The following MDGA2 variants were observed in gnomAD, a reference collection of about 807,000 sequenced individuals.
MDGA2 encodes the protein MAM domain-containing glycosylphosphatidylinositol anchor protein 2.
MDGA2 carries 40 observed loss-of-function variants against 117.8 expected under a neutral mutation model. The observed-to-expected ratio is 0.34, with a 90% CI of 0.26 to 0.44. The LOEUF (loss-of-function observed/expected upper bound fraction) is 0.44, where lower values mean the gene tolerates loss of function less well. Ranked by LOEUF, MDGA2 falls within the 20% of genes least tolerant of loss-of-function variation. MDGA2 has a pLI of 1.00. For missense variants in MDGA2, 1,123 were observed against 1,250.6 expected (o/e 0.90, Z 1.54); for synonymous variants, 452 against 439.0 (o/e 1.03, Z -0.37).
At chr14:47,176,115 A>G (rs1465942859) in intron 3 of MDGA2, among the ~76,000 whole-genome samples, 1 of 152,112 alleles carries the variant, frequency 6.6e-6, no homozygotes, top group Non-Finnish European at 1.5e-5. Context: ...ACCTCTTCAA[A>G]GAGAACTACA....
chr14:47,306,853 G>GAA (rs1889466098), intron 1 of MDGA2, among the ~76,000 whole-genome samples: 1 of 151,830 alleles, frequency 6.6e-6, no homozygotes, highest in Non-Finnish European at 1.5e-5. Flanking sequence ...GAGAGAGAGA[G>GAA]AGAGAGAGAG....
chr14:47,540,540 G>GTGTGTGTGTA, intron 1 of MDGA2, among the ~76,000 whole-genome samples: 1 of 79,186 alleles, frequency 1.3e-5, no homozygotes, highest in Admixed American at 1.5e-4. Context: ...GTGTGTGTGT[G>GTGTGTGTGTA]TATATATATA....
chr14:46,879,606 A>G (rs1486222987), intron 11 of MDGA2, among the ~76,000 whole-genome samples: 1 of 152,148 alleles, frequency 6.6e-6, no homozygotes, highest in South Asian at 2.1e-4. Flanking sequence ...TTCAATAACC[A>G]CTACTAAGCT....
intron 8 of MDGA2, among the ~76,000 whole-genome samples, chr14:47,021,322 A>C (rs1391187034): frequency 6.6e-6 from 1 of 152,158 alleles, no homozygotes; most frequent in Non-Finnish European, 1.5e-5. Context: ...ACCACAAAAC[A>C]ACCAAAGGGA....
chr14:47,208,821 A>C (rs1204001971), intron 3 of MDGA2, among the ~76,000 whole-genome samples: 2 of 151,966 alleles, frequency 1.3e-5, no homozygotes, highest in South Asian at 2.1e-4. Flanking sequence ...TTTTAGATGA[A>C]AGAGAATCTT....
intron 1 of MDGA2, among the ~76,000 whole-genome samples, chr14:47,343,957 T>TCCC (rs1890706462): frequency 6.6e-6 from 1 of 152,202 alleles, no homozygotes; most frequent in African/African-American, 2.4e-5. Flanking sequence ...CACTGATTTA[T>TCCC]CCTGACTCTT....
chr14:47,288,161 T>G (rs1888753796), intron 2 of MDGA2, among the ~76,000 whole-genome samples: 1 of 152,202 alleles, frequency 6.6e-6, no homozygotes, highest in Non-Finnish European at 1.5e-5. Flanking sequence ...ACTTGCCCAA[T>G]TTTGGAATTT....
In MDGA2 at chr14:47,540,540, G is replaced by GTGTGTGTGTGTATATATATA; in HGVS notation, c.280+133976_280+133977insTATATATATACACACACACA. Among the ~76,000 whole-genome samples the GTGTGTGTGTGTATATATATA allele has an allele frequency of 3.5e-3, 276 of 79,152 alleles. 4 individuals carry two copies. The highest frequency in any genetic ancestry group is 9.8e-3 in the African/African-American group (249 of 25,480). The allele number at this position is 79,152 out of a possible 152,430, so 51.9% of individuals were successfully genotyped here. On this transcript the variant is annotated intron_variant, in intron 1 of 16. Coordinates refer to ENST00000399232, the MANE Select transcript of MDGA2 (RefSeq NM_001113498.3). The stretch of plus-strand genomic sequence containing the variant: ...TGTATATGTGTGTGTGTGTGTGTGT[G>GTGTGTGTGTGTATATATATA]TATATATATATATGTATATATATAC...
chr14:47,494,693 T>A (rs1046402475), intron 1 of MDGA2, among the ~76,000 whole-genome samples: 4 of 151,978 alleles, frequency 2.6e-5, no homozygotes, highest in Admixed American at 6.6e-5. Flanking sequence ...CTTGAGATGA[T>A]GTTTGTATAT....
chr14:47,651,228 G>A (rs1897636127), intron 1 of MDGA2, among the ~76,000 whole-genome samples: 1 of 151,512 alleles, frequency 6.6e-6, no homozygotes, highest in Non-Finnish European at 1.5e-5. Context: ...GTGTGTGTGT[G>A]TGTGTGTGTG....
At chr14:47,096,616 T>C (rs1329584791) in intron 6 of MDGA2, among the ~76,000 whole-genome samples, 1 of 152,034 alleles carries the variant, frequency 6.6e-6, no homozygotes, top group East Asian at 1.9e-4. Flanking sequence ...AAGCATTTGA[T>C]GGTATCACTA....
intron 8 of MDGA2, among the ~76,000 whole-genome samples, chr14:46,963,703 T>C (rs2138289792): frequency 6.6e-6 from 1 of 152,342 alleles, no homozygotes; most frequent in Admixed American, 6.5e-5. Context: ...CTCCCTTGGT[T>C]AATTTTTATT....
intron 3 of MDGA2, among the ~76,000 whole-genome samples, chr14:47,200,413 G>A (rs552163825): frequency 6.6e-6 from 1 of 151,766 alleles, no homozygotes; most frequent in African/African-American, 2.4e-5. Context: ...GAATAAATCT[G>A]TTTCACTGGA....
intron 1 of MDGA2, among the ~76,000 whole-genome samples, chr14:47,337,090 A>G (rs76805807): frequency 0.015 from 2,288 of 152,128 alleles, 68 homozygotes; most frequent in East Asian, 0.15. Flanking sequence ...TTCAAATCTG[A>G]TTCCACTTAC....
At chr14:47,450,538 T>A (rs1893220145) in intron 1 of MDGA2, among the ~76,000 whole-genome samples, 1 of 152,126 alleles carries the variant, frequency 6.6e-6, no homozygotes, top group Non-Finnish European at 1.5e-5. Context: ...GGATAAAATT[T>A]AAAAATCTCA....
intron 7 of MDGA2, among the ~76,000 whole-genome samples, chr14:47,045,736 G>A (rs1889235340): frequency 1.3e-5 from 2 of 152,128 alleles, no homozygotes; most frequent in South Asian, 4.1e-4. Context: ...AGGCCAAGGT[G>A]GGTGGATCAC....
chr14:47,603,061 A>G (rs1401987804), intron 1 of MDGA2, among the ~76,000 whole-genome samples: 2 of 152,124 alleles, frequency 1.3e-5, no homozygotes, highest in Admixed American at 6.5e-5. Flanking sequence ...TTACAAGTTC[A>G]TCTAGCCAAT....
At chr14:46,860,642 T>A (rs1333349847) in intron 14 of MDGA2, among the ~76,000 whole-genome samples, 1 of 151,972 alleles carries the variant, frequency 6.6e-6, no homozygotes, top group Non-Finnish European at 1.5e-5. Flanking sequence ...GACTTTAATT[T>A]CCAAACCATA....
At chr14:47,286,886 A>T (rs1888706425) in intron 2 of MDGA2, among the ~76,000 whole-genome samples, 1 of 142,744 alleles carries the variant, frequency 7.0e-6, no homozygotes, top group Admixed American at 7.0e-5. Flanking sequence ...TGCAACATGA[A>T]GTCCCTGTTC....
Sources: allele counts gnomAD v4.1 joint callset (sites outside exome capture counted in the v4.1 genomes callset), GRCh38; gene constraint gnomAD v4.1.1; transcripts MANE v1.5; gene names NCBI Gene and HGNC (gene_info 2026-07-23, HGNC 2026-07-21).